Variants in RBFOX3 observed in about 807,000 individuals in gnomAD.
The protein encoded by RBFOX3 is RNA binding protein fox-1 homolog 3.
Under a neutral mutation model 48.7 loss-of-function variants are expected in RBFOX3, and 17 were observed. The ratio of observed to expected loss-of-function variants is 0.35; its 90% CI spans 0.24 to 0.52. The LOEUF is 0.52. Among genes scored for constraint, RBFOX3 ranks in the 20% least tolerant of loss-of-function variants. The probability of loss-of-function intolerance (pLI) is 0.94; values close to 1 mark genes in which losing one functional copy is unlikely to be tolerated. For synonymous variants in RBFOX3, 212 were observed against 209.5 expected (o/e 1.01, Z -0.10); for missense variants, 382 against 497.5 (o/e 0.77, Z 2.21).
At chr17:79,152,216 G>A (rs1468023188) in intron 4 of RBFOX3, among the ~76,000 whole-genome samples, 1 of 152,112 alleles carries the variant, frequency 6.6e-6, no homozygotes, top group East Asian at 1.9e-4. Context: ...AGGGTCTCAA[G>A]CCATGTCCAA....
intron 3 of RBFOX3, among the ~76,000 whole-genome samples, chr17:79,290,491 C>T (rs60428391): frequency 0.054 from 8,152 of 151,992 alleles, 731 homozygotes; most frequent in African/African-American, 0.18. Flanking sequence ...TGTGGCTCTT[C>T]GCCTCATGCC....
intron 2 of RBFOX3, among the ~76,000 whole-genome samples, chr17:79,328,245 GA>G (rs2079641146): frequency 6.6e-6 from 1 of 152,178 alleles, no homozygotes; most frequent in South Asian, 2.1e-4. Context: ...CAGGGGCAAG[GA>G]CCCCTTTTGA....
Position 79,245,850 on chromosome 17 carries a change from C to A in RBFOX3, c.-73-10045G>T, listed in dbSNP as rs867055635. 2.6e-5 allele frequency among the ~76,000 whole-genome samples: 4 copies of A among 152,234 alleles called. No individual in the cohort carries two copies. In the South Asian group the frequency reaches 8.3e-4, roughly 32 times the overall value. On this transcript the variant is annotated intron_variant, in intron 3 of 14. Transcript: ENST00000693108. ...CCATGTTGCCCAGGCTGGTCTCGAACTTCTGAGCTCAGGCTATCCACTCAC... is the reference window on the plus strand; with the variant it reads ...CCATGTTGCCCAGGCTGGTCTCGAAATTCTGAGCTCAGGCTATCCACTCAC...
the RBFOX3 span, among the ~76,000 whole-genome samples, chr17:79,626,119 C>T: frequency 6.6e-6 from 1 of 152,050 alleles, no homozygotes; most frequent in Admixed American, 6.5e-5. Context: ...TCATAGTTTA[C>T]ATGACAGTGG....
At position 79,423,707 on chromosome 17, in the gene RBFOX3, T is replaced by C. The variant is rs1346959508; in HGVS notation, c.-175+58747A>G. 1.3e-5 allele frequency: 2 copies of C among 153,238 alleles called. No individual in the cohort carries two copies. The highest frequency in any genetic ancestry group is 1.3e-4 in the Admixed American group (2 of 15,252). The allele number at this position is 153,238 out of a possible 1,614,324, so 9.5% of individuals were successfully genotyped here. A position where few individuals can be genotyped will look rare whatever the true frequency, so the allele number is the denominator to read the frequency against. ...CAGACAAGGTCAGCTCAATACATACTTGTTCAAGGAACGGACAAGGAACAA... is the reference window on the plus strand; with the variant it reads ...CAGACAAGGTCAGCTCAATACATACCTGTTCAAGGAACGGACAAGGAACAA... On this transcript the variant is annotated intron_variant, in intron 2 of 14. Coordinates refer to ENST00000693108, the MANE Select transcript of RBFOX3 (RefSeq NM_001350451.2). This position sits in a 1 kb window ranked among gnomAD's most constrained non-coding sequence, Gnocchi z 4.9.
At chr17:79,407,919 G>T (rs2063759193) in intron 2 of RBFOX3, among the ~76,000 whole-genome samples, 1 of 152,202 alleles carries the variant, frequency 6.6e-6, no homozygotes, top group African/African-American at 2.4e-5. Flanking sequence ...GCCAGCACTG[G>T]CCTGGAGTCG....
chr17:79,510,301 C>A (rs993550591), intron 1 of RBFOX3, among the ~76,000 whole-genome samples: 1 of 152,222 alleles, frequency 6.6e-6, no homozygotes, highest in South Asian at 2.1e-4. Context: ...TCCCGCCAAG[C>A]CCCCACTTTA....
Position 79,390,196 on chromosome 17 carries a change from G to A in RBFOX3, c.-174-82372C>T, listed in dbSNP as rs925404780. ...CAGAGTTCTGAGGTGTCCAACCTCCGGGACGCTGCACTGACTTTCAAGTGC... is the reference window on the plus strand; with the variant it reads ...CAGAGTTCTGAGGTGTCCAACCTCCAGGACGCTGCACTGACTTTCAAGTGC... On this transcript the variant is annotated intron_variant, in intron 2 of 14. Transcript: ENST00000693108. This position sits in a 1 kb window ranked among gnomAD's most constrained non-coding sequence, Gnocchi z 4.2. Among the ~76,000 whole-genome samples the A allele has an allele frequency of 7.2e-5, 11 of 152,216 alleles. No homozygotes were observed. The highest frequency in any genetic ancestry group is 5.8e-4 in the East Asian group (3 of 5,194).
chr17:79,533,180 C>A (rs2088108613), intron 1 of RBFOX3, among the ~76,000 whole-genome samples: 1 of 152,360 alleles, frequency 6.6e-6, no homozygotes, highest in East Asian at 1.9e-4. Flanking sequence ...GGGACTTGAA[C>A]CCGGCCATTT....
intron 3 of RBFOX3, among the ~76,000 whole-genome samples, chr17:79,265,423 C>T (rs918134771): frequency 6.6e-6 from 1 of 152,182 alleles, no homozygotes; most frequent in Non-Finnish European, 1.5e-5. Context: ...TTTCCTTTCC[C>T]TAATAGTCTC....
At chr17:79,575,797 A>G (rs1305590716) in intron 1 of RBFOX3, among the ~76,000 whole-genome samples, 1 of 152,170 alleles carries the variant, frequency 6.6e-6, no homozygotes, top group Non-Finnish European at 1.5e-5. Context: ...AACACATGCT[A>G]TTTTTAGTCT....
At chr17:79,500,180 C>G (rs2149719121) in intron 1 of RBFOX3, among the ~76,000 whole-genome samples, 1 of 152,116 alleles carries the variant, frequency 6.6e-6, no homozygotes, top group East Asian at 1.9e-4. Flanking sequence ...ACCCACAGAC[C>G]CATAAGGGAG....
At chr17:79,141,967 T>A (rs545771165) in intron 4 of RBFOX3, among the ~76,000 whole-genome samples, 1 of 152,008 alleles carries the variant, frequency 6.6e-6, no homozygotes, top group African/African-American at 2.4e-5. Flanking sequence ...AAAGAAACCC[T>A]GAGAAAGAGG....
At chr17:79,616,053 G>A in the RBFOX3 span, among the ~76,000 whole-genome samples, 1 of 152,216 alleles carries the variant, frequency 6.6e-6, no homozygotes, top group Non-Finnish European at 1.5e-5. Context: ...GAAGGATCGA[G>A]GAAAGCAAGA....
rs2078116906 is a variant in RBFOX3, at chr17:79,477,586, A to C, written c.-175+4868T>G. ...AAAAAAAAAGAGGAGGAGGAGTAGGAAAAAAGGGTGAAACAGAAGCAATGG... is the reference window on the plus strand; with the variant it reads ...AAAAAAAAAGAGGAGGAGGAGTAGGCAAAAAGGGTGAAACAGAAGCAATGG... On this transcript the variant is annotated intron_variant, in intron 2 of 14. Transcript: ENST00000693108. The surrounding 1 kb of genome is among the most constrained non-coding windows in gnomAD (Gnocchi z 4.8). Among the ~76,000 whole-genome samples, 2 of 151,336 alleles carry C rather than the reference A, an allele frequency of 1.3e-5. No individual in the cohort carries two copies. The highest frequency in any genetic ancestry group is 2.9e-5 in the Non-Finnish European group (2 of 67,840).
At chr17:79,556,267 G>C (rs948447403) in intron 1 of RBFOX3, among the ~76,000 whole-genome samples, 1 of 152,150 alleles carries the variant, frequency 6.6e-6, no homozygotes, top group African/African-American at 2.4e-5. Context: ...CTTACTCTGG[G>C]CAGGGCACTG....
Position 79,160,980 on chromosome 17 carries a change from C to CA in RBFOX3, c.-33-45233dup, listed in dbSNP as rs58561038. Among the ~76,000 whole-genome samples the CA allele has an allele frequency of 4.6e-3, 494 of 107,026 alleles. 1 individual carries two copies. The highest frequency in any genetic ancestry group is 0.01 in the Admixed American group (101 of 9,838). 70.2% of individuals were successfully genotyped at this position (107,026 alleles called of 152,430 possible). ...CGGCAACAAGAGCGAGACTCCATCTCAAAAAAAAAAAAAAAAACAAAAAAG... is the reference window on the plus strand; with the variant it reads ...CGGCAACAAGAGCGAGACTCCATCTCAAAAAAAAAAAAAAAAAACAAAAAAG... On this transcript the variant is annotated intron_variant, in intron 4 of 14. Coordinates refer to ENST00000693108, the MANE Select transcript of RBFOX3 (RefSeq NM_001350451.2).
intron 4 of RBFOX3, among the ~76,000 whole-genome samples, chr17:79,171,202 C>T (rs572615803): frequency 6.6e-6 from 1 of 152,356 alleles, no homozygotes; most frequent in East Asian, 1.9e-4. Context: ...TGATTAAATG[C>T]TGCAATGAAA....
chr17:79,345,463 A>G (rs1279073357), intron 2 of RBFOX3, among the ~76,000 whole-genome samples: 1 of 152,194 alleles, frequency 6.6e-6, no homozygotes, highest in South Asian at 2.1e-4. Context: ...CCTGATGATC[A>G]TTATATTTTC....
Sources: allele counts gnomAD v4.1 joint callset (sites outside exome capture counted in the v4.1 genomes callset), GRCh38; gene constraint gnomAD v4.1.1; non-coding constraint Gnocchi (gnomAD v3.1); transcripts MANE v1.5; gene names NCBI Gene and HGNC (gene_info 2026-07-23, HGNC 2026-07-21).